The following NCOA6 variants were observed in gnomAD, a reference collection of about 807,000 sequenced individuals.
The protein encoded by NCOA6 is NRC RAP250.
NCOA6 carries 49 observed loss-of-function variants against 171.4 expected under a neutral mutation model. The observed-to-expected ratio is 0.29, with a 90% CI of 0.23 to 0.36. NCOA6 has a LOEUF of 0.36. Ranked by LOEUF, NCOA6 falls within the 10% of genes least tolerant of loss-of-function variation. The pLI is 1.00. For missense variants in NCOA6, 2,248 were observed against 2,554.5 expected, an observed-to-expected ratio of 0.88 and a Z score of 2.59; for synonymous variants, 910 against 927.5, an observed-to-expected ratio of 0.98 and a Z score of 0.34.
At chr20:34,784,223 CTTTT>C (rs565454014) in intron 2 of NCOA6, among the ~76,000 whole-genome samples, 2 of 145,246 alleles carry the variant, frequency 1.4e-5, no homozygotes, top group Non-Finnish European at 3.0e-5. Flanking sequence ...CACCGTTTAA[CTTTT>C]TTTTTTTTAA....
At chr20:34,765,596 C>T (rs1396622359) in intron 5 of NCOA6, among the ~76,000 whole-genome samples, 1 of 151,980 alleles carries the variant, frequency 6.6e-6, no homozygotes, top group Non-Finnish European at 1.5e-5. Flanking sequence ...AAGGTTCTCA[C>T]CTAGGGGAAA....
At chr20:34,805,577 T>A (rs2078421687) in intron 1 of NCOA6, among the ~76,000 whole-genome samples, 1 of 152,192 alleles carries the variant, frequency 6.6e-6, no homozygotes, top group Admixed American at 6.5e-5. Flanking sequence ...TGAATAGTGC[T>A]GCAATAAACA....
intron 1 of NCOA6, among the ~76,000 whole-genome samples, chr20:34,815,931 A>C (rs1383845735): frequency 6.6e-6 from 1 of 152,126 alleles, no homozygotes; most frequent in Admixed American, 6.6e-5. Context: ...AGCTTGAATC[A>C]ATTATCTACC....
rs1350715253 is a variant in NCOA6 at position 34,787,109 on chromosome 20, TAAAC to T, written c.-49-4709_-49-4706del. Among the ~76,000 whole-genome samples the T allele has an allele frequency of 4.9e-5, 7 of 143,144 alleles. No individual in the cohort carries two copies. In the East Asian group the frequency reaches 1.4e-3, roughly 28 times the overall value. 93.9% of individuals were successfully genotyped at this position (143,144 alleles called of 152,430 possible). On this transcript the variant is annotated intron_variant, in intron 2 of 14. Coordinates refer to ENST00000359003, the MANE Select transcript of NCOA6 (RefSeq NM_014071.5). Reference sequence around the variant, plus strand: ...TAATATCCAGGGCCCACAAGAAACTTAAACAAATTTATGAAAAAAAAAAAACAAC... The same window carrying T: ...TAATATCCAGGGCCCACAAGAAACTTAAATTTATGAAAAAAAAAAAACAAC...
At chr20:34,753,551 C>T (rs1008556612) in intron 8 of NCOA6, among the ~76,000 whole-genome samples, 1 of 151,848 alleles carries the variant, frequency 6.6e-6, no homozygotes, top group East Asian at 2.0e-4. Context: ...ATCCCAGCTA[C>T]TCAGGAGGCT....
chr20:34,763,522 C>A (rs538456414), intron 5 of NCOA6, among the ~76,000 whole-genome samples: 7 of 152,292 alleles, frequency 4.6e-5, no homozygotes, highest in African/African-American at 1.7e-4. Context: ...GGGAGGGAAT[C>A]TAATCCTAAA....
chr20:34,825,479 CGGCCCCGGCCCTCCCGGGCGGGCCTTGG>C lies in NCOA6; in HGVS notation c.-199_-172del, dbSNP rs2079127752. 6.7e-6 allele frequency: 1 copy of C among 148,478 alleles called. No individual in the cohort carries two copies. Among genetic ancestry groups the C allele is most frequent in the African/African-American group, 2.4e-5 (1 of 40,932 alleles). The allele number at this position is 148,478 out of a possible 1,614,324, so 9.2% of individuals were successfully genotyped here. ...GCGCCGCCGTCCCCTCACCTGAGCG[CGGCCCCGGCCCTCCCGGGCGGGCCTTGG>C]AGCGCCGGCCCGGGCCGTGCGTGCC... On this transcript the variant is annotated 5_prime_UTR_variant, in exon 1 of 15. Transcript: ENST00000359003.
At chr20:34,810,201 A>T (rs2078606085) in intron 1 of NCOA6, among the ~76,000 whole-genome samples, 1 of 152,228 alleles carries the variant, frequency 6.6e-6, no homozygotes, top group Admixed American at 6.5e-5. Flanking sequence ...TCCTGGGCAG[A>T]ATCTCTGAAA....
chr20:34,749,772 G>A lies in NCOA6; in HGVS notation c.2423C>T (p.Ala808Val). ...CTGAGATAAACTGACATCGTTATTT[G>A]CTGTAGTAGCAGGATCACCATGCTG... is the stretch of plus-strand genomic sequence containing the variant. Reference protein sequence around the residue: ...AQQHGDPATTANNDVSLSQMM... With the variant: ...AQQHGDPATTVNNDVSLSQMM... Residue 808 changes from alanine to valine, a missense_variant, in exon 9 of 15, where the codon GCA becomes GTA. Physicochemically the swap from Ala to Val is moderately conservative, Grantham distance 64. This residue lies in a region of NCOA6 where 987 missense variants were observed against 1,104.7 expected (regional missense o/e 0.89). Coordinates refer to ENST00000359003, the MANE Select transcript of NCOA6 (RefSeq NM_014071.5). 6.2e-7 allele frequency: 1 copy of A among 1,614,250 alleles called. No individual in the cohort carries two copies. The highest frequency in any genetic ancestry group is 1.7e-5 in the Admixed American group (1 of 60,028).
chr20:34,784,770 T>C (rs1278614536), intron 2 of NCOA6, among the ~76,000 whole-genome samples: 1 of 151,788 alleles, frequency 6.6e-6, no homozygotes, highest in Non-Finnish European at 1.5e-5. Flanking sequence ...GATAGCAACA[T>C]TTTTGTCTCT....
At chr20:34,776,541 G>T in intron 3 of NCOA6, 93 bp from the exon 4 acceptor site, 1 of 1,397,378 alleles carries the variant, frequency 7.2e-7, no homozygotes, top group Non-Finnish European at 1.0e-6. Flanking sequence ...AAAAGAATAA[G>T]GTGGAGCACC....
chr20:34,748,604 A>C (rs2145682204), intron 9 of NCOA6, among the ~76,000 whole-genome samples: 1 of 152,342 alleles, frequency 6.6e-6, no homozygotes, highest in Middle Eastern at 3.4e-3. Context: ...GAAACATTTT[A>C]TCAAACCCAG....
intron 1 of NCOA6, among the ~76,000 whole-genome samples, chr20:34,802,015 T>C (rs372428218): frequency 1.8e-4 from 27 of 152,172 alleles, no homozygotes; most frequent in Middle Eastern, 3.4e-3. Context: ...TTCCAAAAAA[T>C]AGTGAAGAGA....
Position 34,783,944 on chromosome 20 carries a change from T to C in NCOA6, c.-49-1540A>G, listed in dbSNP as rs76320955. On this transcript the variant is annotated intron_variant, in intron 2 of 14. Coordinates refer to ENST00000359003, the MANE Select transcript of NCOA6 (RefSeq NM_014071.5). ...TTTATTTATGGCACTTATTTATTTA[T>C]GGCACATGTCCAGCCTTTATTTATG... Among the ~76,000 whole-genome samples, 411 of 140,430 alleles carry C rather than the reference T, an allele frequency of 2.9e-3. 23 individuals carry two copies. The East Asian group carries it at 0.087, about 30-fold the overall frequency. The allele number at this position is 140,430 out of a possible 152,430, so 92.1% of individuals were successfully genotyped here.
chr20:34,762,869 T>A (rs2076857864), intron 5 of NCOA6, among the ~76,000 whole-genome samples: 2 of 152,196 alleles, frequency 1.3e-5, no homozygotes, highest in African/African-American at 4.8e-5. Context: ...TTCATACTAC[T>A]CTTGATAGTA....
chr20:34,768,246 T>C (rs1269006384), intron 5 of NCOA6, among the ~76,000 whole-genome samples: 2 of 152,198 alleles, frequency 1.3e-5, no homozygotes, highest in Non-Finnish European at 2.9e-5. Flanking sequence ...CATGGCTCAG[T>C]GTTCATCAAC....
chr20:34,719,560 G>A (rs1179672683), intron 14 of NCOA6, among the ~76,000 whole-genome samples: 1 of 151,866 alleles, frequency 6.6e-6, no homozygotes, highest in Non-Finnish European at 1.5e-5. Flanking sequence ...GAACCCAGGA[G>A]GCAGAGGTTG....
chr20:34,818,260 CAGG>C (rs1353570226), intron 1 of NCOA6, among the ~76,000 whole-genome samples: 1 of 152,088 alleles, frequency 6.6e-6, no homozygotes, highest in African/African-American at 2.4e-5. Context: ...GAGACCAAGG[CAGG>C]AGATCACTTG....
At position 34,784,964 on chromosome 20, in the gene NCOA6, C is replaced by T. The variant is rs1487509395; in HGVS notation, c.-49-2560G>A. ...GGCATGGTAGCAGGCGCCTATAATC[C>T]CAGCTACTTGGGAGGCTGAGGCAGG... On this transcript the variant is annotated intron_variant, in intron 2 of 14. Transcript: ENST00000359003. Among the ~76,000 whole-genome samples the T allele has an allele frequency of 2.6e-5, 4 of 151,960 alleles. No homozygotes were observed. In the East Asian group the frequency reaches 7.7e-4, roughly 29 times the overall value.
Sources: allele counts gnomAD v4.1 joint callset (sites outside exome capture counted in the v4.1 genomes callset), GRCh38; gene constraint gnomAD v4.1.1; regional missense constraint gnomAD v4.1.1; transcripts MANE v1.5; gene names NCBI Gene and HGNC (gene_info 2026-07-23, HGNC 2026-07-21).